ANKRD44: variants seen among roughly 807,000 people sequenced by gnomAD.
ANKRD44 encodes the protein ankyrin repeat domain 44.
ANKRD44 carries 35 observed loss-of-function variants against 116.0 expected under a neutral mutation model. The observed-to-expected ratio is 0.30, with a 90% CI of 0.23 to 0.40. ANKRD44 has a LOEUF of 0.40. ANKRD44 is among the 10% of genes least tolerant of loss of function. The probability of loss-of-function intolerance (pLI) is 1.00; values close to 1 mark genes in which losing one functional copy is unlikely to be tolerated. For missense variants in ANKRD44, 1,014 were observed against 1,242.6 expected, an observed-to-expected ratio of 0.82 and a Z score of 2.77; for synonymous variants, 435 against 461.8, an observed-to-expected ratio of 0.94 and a Z score of 0.74.
At chr2:197,199,863 T>C (rs1450075992) in intron 1 of ANKRD44, among the ~76,000 whole-genome samples, 1 of 152,236 alleles carries the variant, frequency 6.6e-6, no homozygotes, top group Non-Finnish European at 1.5e-5. Flanking sequence ...TTCCATTGTA[T>C]GGATATGCCA....
chr2:197,063,868 G>T (rs1559032735), intron 16 of ANKRD44, among the ~76,000 whole-genome samples: 2 of 152,150 alleles, frequency 1.3e-5, no homozygotes, highest in Admixed American at 6.5e-5. Flanking sequence ...AACCAAGTTG[G>T]AAAACACTGC....
chr2:197,265,825 C>T (rs1012991360), intron 1 of ANKRD44, among the ~76,000 whole-genome samples: 4 of 152,120 alleles, frequency 2.6e-5, no homozygotes, highest in African/African-American at 4.8e-5. Context: ...CAAAAAGGAA[C>T]GTTTTTAATA....
At chr2:197,102,312 T>C (rs956545149) in intron 9 of ANKRD44, among the ~76,000 whole-genome samples, 4 of 152,238 alleles carry the variant, frequency 2.6e-5, no homozygotes, top group Admixed American at 2.6e-4. Context: ...TTGTTAGATG[T>C]ATCTTCAAGG....
Position 197,216,240 on chromosome 2 carries a change from T to G in ANKRD44, c.28-29134A>C, listed in dbSNP as rs1421294074. On this transcript the variant is annotated intron_variant, in intron 1 of 27. Coordinates refer to ENST00000282272, the MANE Select transcript of ANKRD44 (RefSeq NM_001195144.2). ...TTAGTGTCCTAATGTGGAAGTAATA[T>G]GTAAGAATGGTGCTTCCATTCAACA... Among the ~76,000 whole-genome samples, 4 of 152,344 alleles carry G rather than the reference T, an allele frequency of 2.6e-5. No homozygotes were observed. The East Asian group carries it at 5.8e-4, about 22-fold the overall frequency.
chr2:197,118,795 G>A (rs1286880033), intron 8 of ANKRD44, among the ~76,000 whole-genome samples: 1 of 151,902 alleles, frequency 6.6e-6, no homozygotes, highest in East Asian at 1.9e-4. Context: ...TAACATTTTA[G>A]CATTAAAAAA....
chr2:197,172,756 G>T (rs1483955964), intron 2 of ANKRD44, among the ~76,000 whole-genome samples: 1 of 152,076 alleles, frequency 6.6e-6, no homozygotes, highest in African/African-American at 2.4e-5. Context: ...AGTAGAGACA[G>T]GGTTTCACCA....
chr2:197,226,618 C>A (rs920608410), intron 1 of ANKRD44, among the ~76,000 whole-genome samples: 1 of 151,880 alleles, frequency 6.6e-6, no homozygotes, highest in African/African-American at 2.4e-5. Context: ...GAGCTCAGAT[C>A]GACCACTGCA....
At chr2:197,254,589 A>G (rs1180436567) in intron 1 of ANKRD44, among the ~76,000 whole-genome samples, 1 of 126,990 alleles carries the variant, frequency 7.9e-6, no homozygotes, top group Non-Finnish European at 1.6e-5. Flanking sequence ...ATAGACACAC[A>G]TACATGCATA....
intron 10 of ANKRD44, among the ~76,000 whole-genome samples, chr2:197,096,499 C>T (rs545799701): frequency 6.6e-6 from 1 of 152,210 alleles, no homozygotes; most frequent in East Asian, 1.9e-4. Flanking sequence ...CTGAATCAAA[C>T]CGTAGGAAGC....
intron 4 of ANKRD44, among the ~76,000 whole-genome samples, chr2:197,129,526 A>G (rs2079052075): frequency 6.6e-6 from 1 of 152,096 alleles, no homozygotes; most frequent in Non-Finnish European, 1.5e-5. Context: ...CTGTTTTAGG[A>G]TTGTAGGCCT....
At chr2:197,215,472 G>A (rs888564760) in intron 1 of ANKRD44, among the ~76,000 whole-genome samples, 1 of 152,140 alleles carries the variant, frequency 6.6e-6, no homozygotes, top group Admixed American at 6.6e-5. Context: ...TTTGAAGTGG[G>A]AGAGTGTGAG....
chr2:197,080,750 G>A (rs1437588744), intron 15 of ANKRD44, among the ~76,000 whole-genome samples: 1 of 152,130 alleles, frequency 6.6e-6, no homozygotes, highest in East Asian at 1.9e-4. Context: ...CATGGGAGGA[G>A]CACAGTGGAA....
chr2:197,092,671 G>A lies in ANKRD44; in HGVS notation c.1101-2639C>T, dbSNP rs1377135227. ...TTGCTCATCTTCCAGGCAGCATCAT[G>A]TGGAGGAGAACTGCTTGTAATTGCC... is the stretch of plus-strand genomic sequence containing the variant. On this transcript the variant is annotated intron_variant, in intron 10 of 27. Coordinates refer to ENST00000282272, the MANE Select transcript of ANKRD44 (RefSeq NM_001195144.2). 2.0e-5 allele frequency among the ~76,000 whole-genome samples: 3 copies of A among 152,184 alleles called. No individual in the cohort carries two copies. In the East Asian group the frequency reaches 5.8e-4, roughly 29 times the overall value.
chr2:197,009,807 G>C (rs1291567328), intron 18 of ANKRD44, among the ~76,000 whole-genome samples: 2 of 152,148 alleles, frequency 1.3e-5, no homozygotes, highest in East Asian at 3.9e-4. Flanking sequence ...CTAGCAGGGT[G>C]CATTGATCCC....
intron 1 of ANKRD44, among the ~76,000 whole-genome samples, chr2:197,202,321 CCT>C (rs2081110090): frequency 6.6e-6 from 1 of 152,000 alleles, no homozygotes; most frequent in Non-Finnish European, 1.5e-5. Context: ...CAGGCAGAAA[CCT>C]CTGTTTTCTT....
At chr2:197,024,640 C>T (rs2076557054) in intron 17 of ANKRD44, among the ~76,000 whole-genome samples, 1 of 152,134 alleles carries the variant, frequency 6.6e-6, no homozygotes, top group African/African-American at 2.4e-5. Context: ...ACTCTTCTTC[C>T]CTCACCTCCC....
At chr2:197,120,699 C>A (rs540164473) in intron 8 of ANKRD44, among the ~76,000 whole-genome samples, 5 of 151,968 alleles carry the variant, frequency 3.3e-5, no homozygotes, top group Admixed American at 3.3e-4. Flanking sequence ...AAGCTCTAAA[C>A]CCACACTGGA....
chr2:197,109,150 A>G (rs1282519150), intron 9 of ANKRD44, among the ~76,000 whole-genome samples: 1 of 152,206 alleles, frequency 6.6e-6, no homozygotes. Context: ...AAGGGAACCA[A>G]GCTGTTTAAG....
intron 1 of ANKRD44, 61 bp from the exon 2 acceptor site, chr2:197,187,167 G>T: frequency 6.7e-7 from 1 of 1,481,690 alleles, no homozygotes; most frequent in Non-Finnish European, 9.4e-7. Flanking sequence ...ACATACAGAT[G>T]CAGATGGTGA....
Sources: allele counts gnomAD v4.1 joint callset (sites outside exome capture counted in the v4.1 genomes callset), GRCh38; gene constraint gnomAD v4.1.1; transcripts MANE v1.5; gene names NCBI Gene and HGNC (gene_info 2026-07-23, HGNC 2026-07-21).